The following BPTF variants were observed in gnomAD, a reference collection of about 807,000 sequenced individuals.
The protein encoded by BPTF is bromodomain PHD finger transcription factor, also known as nucleosome-remodeling factor subunit BPTF.
In BPTF, 18 loss-of-function variants were observed where a neutral mutation model predicts 292.5. The observed-to-expected ratio is 0.06, with a 90% confidence interval of 0.04 to 0.09. The LOEUF (loss-of-function observed/expected upper bound fraction) is 0.09, where lower values mean the gene tolerates loss of function less well. Among genes scored for constraint, BPTF ranks in the 10% least tolerant of loss-of-function variants. The pLI is 1.00. For missense variants in BPTF, 2,726 were observed against 3,498.7 expected (o/e 0.78, Z 5.57); for synonymous variants, 1,225 against 1,251.9 (o/e 0.98, Z 0.45).
chr17:67,923,212 C>T (rs11652543), intron 14 of BPTF, among the ~76,000 whole-genome samples: 1,861 of 151,838 alleles, frequency 0.012, 24 homozygotes, highest in Middle Eastern at 0.041. Context: ...CATGCCACCA[C>T]GCCCAGCTAA....
intron 17 of BPTF, among the ~76,000 whole-genome samples, chr17:67,930,057 A>C (rs529846497): frequency 6.6e-6 from 1 of 151,252 alleles, no homozygotes; most frequent in African/African-American, 2.4e-5. Flanking sequence ...GGAAGGTTGC[A>C]GTGAGCTGAG....
At position 67,929,590 on chromosome 17, in the gene BPTF, A is replaced by G. The variant is rs1291976400; in HGVS notation, c.6150+103A>G. 2.1e-5 allele frequency: 28 copies of G among 1,350,806 alleles called. No homozygotes were observed. In the Middle Eastern group the frequency reaches 1.0e-3, roughly 50 times the overall value. The allele number at this position is 1,350,806 out of a possible 1,614,324, so 83.7% of individuals were successfully genotyped here. A position where few individuals can be genotyped will look rare whatever the true frequency, so the allele number is the denominator to read the frequency against. ...TAATCCAACTCAGTTTCCTTTGCCT[A>G]TTACTGAATCTGTGACAGAGTACTG... On this transcript the variant is annotated intron_variant, in intron 17 of 27. Coordinates refer to ENST00000306378, the MANE Select transcript of BPTF (RefSeq NM_182641.4).
intron 1 of BPTF, among the ~76,000 whole-genome samples, chr17:67,850,747 C>T (rs1318503830): frequency 6.6e-6 from 1 of 152,108 alleles, no homozygotes; most frequent in Admixed American, 6.6e-5. Flanking sequence ...GAATTCTATC[C>T]AATGAATAAG....
intron 15 of BPTF, among the ~76,000 whole-genome samples, chr17:67,926,524 C>T (rs998228223): frequency 7.9e-5 from 12 of 151,694 alleles, no homozygotes; most frequent in Admixed American, 1.3e-4. Context: ...CGGGGTTTCA[C>T]TGTGTTAGCC....
chr17:67,961,728 CTT>C (rs1215552515), intron 24 of BPTF, among the ~76,000 whole-genome samples: 4 of 152,122 alleles, frequency 2.6e-5, no homozygotes. Flanking sequence ...AATCCCAACA[CTT>C]TGGGAGGCCG....
chr17:67,959,423 A>T, intron 23 of BPTF, 118 bp from the exon 24 acceptor site: 1 of 741,410 alleles, frequency 1.3e-6, no homozygotes, highest in Non-Finnish European at 2.0e-6. Context: ...TAAAACTCTC[A>T]CGTTAGGCTG....
chr17:67,947,164 C>T (rs2065874563), intron 21 of BPTF, among the ~76,000 whole-genome samples: 1 of 152,166 alleles, frequency 6.6e-6, no homozygotes, highest in Admixed American at 6.5e-5. Context: ...ACTTTTTACA[C>T]AGCGAAGTTA....
chr17:67,901,591 A>G (rs1349297342), intron 7 of BPTF, among the ~76,000 whole-genome samples: 1 of 152,256 alleles, frequency 6.6e-6, no homozygotes, highest in African/African-American at 2.4e-5. Flanking sequence ...ATAGTCTAAT[A>G]CAAACAAGAC....
At chr17:67,870,871 G>T in intron 3 of BPTF, among the ~76,000 whole-genome samples, 1 of 138,506 alleles carries the variant, frequency 7.2e-6, no homozygotes, top group East Asian at 2.2e-4. Context: ...CCGGGTTCAC[G>T]CCATTCTCCT....
intron 17 of BPTF, 119 bp downstream of exon 17, chr17:67,929,606 C>CT: frequency 8.2e-7 from 1 of 1,214,710 alleles, no homozygotes; most frequent in Admixed American, 2.8e-5. Context: ...GAATCTGTGA[C>CT]AGAGTACTGA....
At chr17:67,840,361 C>A (rs1192026790) in intron 1 of BPTF, among the ~76,000 whole-genome samples, 2 of 152,108 alleles carry the variant, frequency 1.3e-5, no homozygotes, top group African/African-American at 4.8e-5. Flanking sequence ...CCTGCCTCGG[C>A]CTCTCAAGGT....
intron 2 of BPTF, among the ~76,000 whole-genome samples, chr17:67,857,148 AT>A (rs35727338): frequency 0.041 from 3,970 of 97,338 alleles, 11 homozygotes; most frequent in South Asian, 0.073. Flanking sequence ...GTCTTTAACA[AT>A]TTTTTTTTTT....
At chr17:67,979,480 G>C (rs1850786187) in intron 27 of BPTF, among the ~76,000 whole-genome samples, 1 of 151,880 alleles carries the variant, frequency 6.6e-6, no homozygotes, top group African/African-American at 2.4e-5. Context: ...GGAGACGGAG[G>C]TTGCAGTGCA....
intron 26 of BPTF, among the ~76,000 whole-genome samples, chr17:67,969,452 C>CAAAAA (rs11360473): frequency 2.1e-5 from 1 of 47,968 alleles, no homozygotes; most frequent in African/African-American, 8.4e-5. Flanking sequence ...ACTCTGTCTC[C>CAAAAA]AAAAAAAAAA....
At chr17:67,865,901 T>C (rs1259299576) in intron 2 of BPTF, among the ~76,000 whole-genome samples, 2 of 152,202 alleles carry the variant, frequency 1.3e-5, no homozygotes, top group Non-Finnish European at 2.9e-5. Flanking sequence ...AGATAACTCC[T>C]TCAAAAACCA....
intron 2 of BPTF, among the ~76,000 whole-genome samples, chr17:67,864,032 A>G (rs1308685953): frequency 6.6e-6 from 1 of 152,184 alleles, no homozygotes; most frequent in Non-Finnish European, 1.5e-5. Flanking sequence ...ACTTCAGGGA[A>G]GCCTGGCCAG....
At chr17:67,883,366 C>A (rs977057726) in intron 4 of BPTF, among the ~76,000 whole-genome samples, 11 of 152,096 alleles carry the variant, frequency 7.2e-5, no homozygotes, top group Admixed American at 1.3e-4. Context: ...CAACTTGATA[C>A]ACAGTTCATT....
chr17:67,976,788 C>T (rs1392903748), intron 27 of BPTF, among the ~76,000 whole-genome samples: 1 of 150,792 alleles, frequency 6.6e-6, no homozygotes, highest in African/African-American at 2.4e-5. Context: ...TAAATTCCTT[C>T]ACTCAGCAAA....
rs764003531 is a variant in BPTF at position 67,912,329 on chromosome 17, A to G, written c.4445A>G (p.Glu1482Gly). Residue 1482 changes from glutamate (E) to glycine (G), a missense_variant, in exon 11 of 28, where the codon GAA becomes GGA. Physicochemically the swap from Glu to Gly is moderately conservative, Grantham distance 98 (BLOSUM62 -2). This residue lies in a region of BPTF where 713 missense variants were observed against 714.9 expected (regional missense o/e 1.00). Transcript: ENST00000306378. ...MEDFNERNSS[E>G]TKSHLLSSSD... The stretch of plus-strand genomic sequence containing the variant: ...GATTTTAATGAAAGAAACAGCTCCG[A>G]AACAAAATCGCATTTGCTGAGTTCT... 4.3e-6 allele frequency: 7 copies of G among 1,613,892 alleles called. No homozygotes were observed. The East Asian group carries it at 1.6e-4, about 36-fold the overall frequency.
Sources: allele counts gnomAD v4.1 joint callset (sites outside exome capture counted in the v4.1 genomes callset), GRCh38; gene constraint gnomAD v4.1.1; regional missense constraint gnomAD v4.1.1; transcripts MANE v1.5; gene names NCBI Gene and HGNC (gene_info 2026-07-23, HGNC 2026-07-21).